The following WDR7 variants were observed in gnomAD, a reference collection of about 807,000 sequenced individuals.
The protein encoded by WDR7 is WD repeat domain 7, also known as WD repeat-containing protein 7.
In WDR7, 46 loss-of-function variants were observed where a neutral mutation model predicts 169.4. The ratio of observed to expected loss-of-function variants is 0.27; its 90% CI spans 0.21 to 0.35. WDR7 has a LOEUF of 0.35. Among genes scored for constraint, WDR7 ranks in the 10% least tolerant of loss-of-function variants. The probability of loss-of-function intolerance (pLI) is 1.00; values close to 1 mark genes in which losing one functional copy is unlikely to be tolerated. For missense variants in WDR7, 1,534 were observed against 1,859.3 expected (o/e 0.83, Z 3.22); for synonymous variants, 612 against 666.8 (o/e 0.92, Z 1.27).
chr18:57,012,758 A>G lies in WDR7; in HGVS notation c.4165-7987A>G, dbSNP rs117410189. On this transcript the variant is annotated intron_variant, in intron 26 of 27. Coordinates refer to ENST00000254442, the MANE Select transcript of WDR7 (RefSeq NM_015285.3). ...AAGCTACGGAAATTGAAGATCCAGC[A>G]GTTCATAGCTTTCTTTTACCTGGTA... is the stretch of plus-strand genomic sequence containing the variant. Among the ~76,000 whole-genome samples the G allele has an allele frequency of 1.5e-3, 233 of 152,334 alleles. 2 individuals are homozygous for G. In the East Asian group the frequency reaches 0.042, roughly 27 times the overall value.
intron 1 of WDR7, among the ~76,000 whole-genome samples, chr18:56,655,367 G>A (rs759905050): frequency 1.3e-5 from 2 of 152,238 alleles, no homozygotes; most frequent in African/African-American, 2.4e-5. Context: ...GACCATGCCC[G>A]TAGTCCCAGC....
chr18:56,794,229 A>G (rs1390291298), intron 19 of WDR7, among the ~76,000 whole-genome samples: 2 of 149,424 alleles, frequency 1.3e-5, no homozygotes, highest in African/African-American at 4.9e-5. Context: ...CTTTTGCCCC[A>G]CATTATTCCC....
intron 26 of WDR7, among the ~76,000 whole-genome samples, chr18:56,966,093 A>G (rs908603643): frequency 6.6e-6 from 1 of 152,186 alleles, no homozygotes; most frequent in Non-Finnish European, 1.5e-5. Flanking sequence ...GGTGGTGGGC[A>G]TAGTGACCGC....
chr18:56,840,587 G>A (rs1383184519), intron 20 of WDR7, among the ~76,000 whole-genome samples: 6 of 152,106 alleles, frequency 3.9e-5, no homozygotes, highest in African/African-American at 1.4e-4. Flanking sequence ...TTGGGAGGTC[G>A]AGGCAGGTGG....
At chr18:56,947,341 C>T (rs747544034) in intron 25 of WDR7, among the ~76,000 whole-genome samples, 17 of 152,172 alleles carry the variant, frequency 1.1e-4, no homozygotes, top group East Asian at 3.8e-4. Flanking sequence ...CTTCATACGT[C>T]TCCTCGGTGA....
At chr18:56,807,492 T>G (rs1044898036) in intron 19 of WDR7, among the ~76,000 whole-genome samples, 5 of 152,184 alleles carry the variant, frequency 3.3e-5, no homozygotes, top group Admixed American at 1.3e-4. Flanking sequence ...TTTTAAATGA[T>G]GGATCAATTT....
intron 14 of WDR7, among the ~76,000 whole-genome samples, chr18:56,744,597 G>A (rs147231279): frequency 2.6e-5 from 4 of 152,304 alleles, no homozygotes; most frequent in Non-Finnish European, 2.9e-5. Context: ...GGGGCTGATG[G>A]GGATGAAATT....
chr18:57,019,268 A>G (rs1376867566), intron 26 of WDR7, among the ~76,000 whole-genome samples: 1 of 152,218 alleles, frequency 6.6e-6, no homozygotes, highest in Non-Finnish European at 1.5e-5. Context: ...GTTATATGCC[A>G]TGCATTGTGC....
At chr18:57,020,655 T>C in intron 26 of WDR7, 90 bp from the exon 27 acceptor site, 1 of 1,188,174 alleles carries the variant, frequency 8.4e-7, no homozygotes, top group South Asian at 1.4e-5. Context: ...ACCCATGACG[T>C]AACTTGTTCA....
At chr18:56,983,689 G>A (rs2047676674) in intron 26 of WDR7, among the ~76,000 whole-genome samples, 1 of 152,100 alleles carries the variant, frequency 6.6e-6, no homozygotes, top group South Asian at 2.1e-4. Context: ...CAAAAAATGT[G>A]TCCCCAGAAT....
chr18:56,769,566 G>T (rs979444202), intron 16 of WDR7, among the ~76,000 whole-genome samples: 1 of 152,138 alleles, frequency 6.6e-6, no homozygotes, highest in Non-Finnish European at 1.5e-5. Flanking sequence ...TCTGGTCTGT[G>T]TCTCTAGTGC....
intron 20 of WDR7, among the ~76,000 whole-genome samples, chr18:56,860,118 T>A (rs1465602061): frequency 6.6e-6 from 1 of 152,184 alleles, no homozygotes. Flanking sequence ...TGGTAGTCAG[T>A]ACTGATTCCC....
intron 21 of WDR7, among the ~76,000 whole-genome samples, chr18:56,888,618 A>T (rs183744135): frequency 6.6e-6 from 1 of 152,312 alleles, no homozygotes; most frequent in East Asian, 1.9e-4. Context: ...CAAATGAGGC[A>T]TTATTAGAAT....
In WDR7 at chr18:56,695,141, C is replaced by T; in HGVS notation, c.1300C>T (p.Pro434Ser). Residue 434 changes from proline (P) to serine (S), a missense_variant, in exon 11 of 28, where the codon CCT becomes TCT. Transcript: ENST00000254442. ...GREDGSIVIV[P>S]ATQTAIVQLL... ...TGAAGATGGAAGCATAGTTATTGTA[C>T]CTGCCACACAGACGGCCATAGTACA... 1 of 1,614,136 alleles carries T rather than the reference C, an allele frequency of 6.2e-7. No homozygotes were observed. The highest frequency in any genetic ancestry group is 8.5e-7 in the Non-Finnish European group (1 of 1,180,012).
chr18:56,679,267 G>T, intron 2 of WDR7, 65 bp from the exon 3 acceptor site: 1 of 1,331,132 alleles, frequency 7.5e-7, no homozygotes, highest in South Asian at 1.3e-5. Flanking sequence ...TGGCTAAGCT[G>T]ACACTCAAAT....
intron 16 of WDR7, among the ~76,000 whole-genome samples, chr18:56,763,861 AT>A (rs2044020248): frequency 6.6e-6 from 1 of 151,948 alleles, no homozygotes; most frequent in Non-Finnish European, 1.5e-5. Context: ...GTAATCTTTT[AT>A]TTTGCTTTTA....
At chr18:56,728,918 G>A (rs540224324) in intron 13 of WDR7, among the ~76,000 whole-genome samples, 1 of 152,226 alleles carries the variant, frequency 6.6e-6, no homozygotes, top group South Asian at 2.1e-4. Context: ...GCTGCTGCAG[G>A]CCCGCTTTTC....
chr18:56,915,905 G>A (rs192660906), intron 21 of WDR7, among the ~76,000 whole-genome samples: 47 of 152,256 alleles, frequency 3.1e-4, no homozygotes, highest in African/African-American at 1.1e-3. Flanking sequence ...CCTTTGTCAT[G>A]GAGGAGTTCT....
At chr18:56,696,735 A>G (rs1338870940) in intron 12 of WDR7, among the ~76,000 whole-genome samples, 3 of 152,218 alleles carry the variant, frequency 2.0e-5, no homozygotes, top group Non-Finnish European at 4.4e-5. Flanking sequence ...CAGTTGAGAA[A>G]ATGTTTATTG....
Sources: gnomAD v4.1 joint callset for allele counts (sites outside exome capture counted in the v4.1 genomes callset) on GRCh38, gnomAD v4.1.1 for gene constraint, MANE v1.5 for transcripts, NCBI Gene and HGNC (gene_info 2026-07-23, HGNC 2026-07-21) for gene names.